The following TANC2 variants were observed in gnomAD, a reference collection of about 807,000 sequenced individuals.
The protein encoded by TANC2 is protein TANC2.
In TANC2, 26 loss-of-function variants were observed where a neutral mutation model predicts 210.5. That is an observed-to-expected ratio of 0.12 (90% CI 0.09 to 0.17). TANC2 has a LOEUF of 0.17. Among genes scored for constraint, TANC2 ranks in the 10% least tolerant of loss-of-function variants. TANC2 has a pLI of 1.00. For synonymous variants in TANC2, 931 were observed against 967.1 expected, an observed-to-expected ratio of 0.96 and a Z score of 0.69; for missense variants, 2,129 against 2,608.9, an observed-to-expected ratio of 0.82 and a Z score of 4.01.
chr17:63,412,600 T>G lies in TANC2; in HGVS notation c.3899-80T>G. 7.3e-7 allele frequency: 1 copy of G among 1,374,086 alleles called. No individual in the cohort carries two copies. The highest frequency in any genetic ancestry group is 1.0e-6 in the Non-Finnish European group (1 of 1,003,280). 85.1% of individuals were successfully genotyped at this position (1,374,086 alleles called of 1,614,324 possible). ...TGCTGCCTGCCTCTCACTGCTGCTT[T>G]TTCCTTCTTTTTTTTTTTTTCACCT... On this transcript the variant is annotated intron_variant, in intron 23 of 27. Coordinates refer to ENST00000689528, the Ensembl canonical transcript of TANC2. The surrounding 1 kb of genome is among the most constrained non-coding windows in gnomAD (Gnocchi z 4.2).
intron 1 of TANC2, among the ~76,000 whole-genome samples, chr17:62,976,712 T>TA (rs556880801): frequency 3.3e-5 from 5 of 152,116 alleles, no homozygotes; most frequent in Middle Eastern, 3.4e-3. Flanking sequence ...CTACCTGTAA[T>TA]AAAAAAAATT....
chr17:62,985,173 A>G (rs950415370), intron 1 of TANC2, among the ~76,000 whole-genome samples: 1 of 152,118 alleles, frequency 6.6e-6, no homozygotes, highest in East Asian at 1.9e-4. Flanking sequence ...CCAGTTTTCT[A>G]TTTCTTTCAG....
chr17:63,271,751 T>C (rs2043717073), intron 9 of TANC2, among the ~76,000 whole-genome samples: 1 of 151,714 alleles, frequency 6.6e-6, no homozygotes, highest in African/African-American at 2.4e-5. Context: ...CCTTTGTCCA[T>C]TTTTTTTAAT....
At chr17:63,123,553 T>C (rs940220158) in intron 4 of TANC2, among the ~76,000 whole-genome samples, 52 of 142,994 alleles carry the variant, frequency 3.6e-4, no homozygotes, top group African/African-American at 1.3e-3. Flanking sequence ...GGTGAGATTC[T>C]GTCTCAAAAA....
chr17:63,210,245 C>T (rs1313728944), intron 7 of TANC2, among the ~76,000 whole-genome samples: 11 of 152,358 alleles, frequency 7.2e-5, no homozygotes, highest in Admixed American at 6.5e-5. Context: ...GGATGACTCT[C>T]TCTGTTCCTT....
intron 4 of TANC2, among the ~76,000 whole-genome samples, chr17:63,128,141 G>A (rs1277065445): frequency 6.6e-6 from 1 of 151,870 alleles, no homozygotes; most frequent in Non-Finnish European, 1.5e-5. Context: ...TAAAAGCTTT[G>A]GAAAAACTCA....
intron 2 of TANC2, among the ~76,000 whole-genome samples, chr17:63,034,344 T>C (rs1423548972): frequency 1.3e-5 from 2 of 152,230 alleles, no homozygotes; most frequent in African/African-American, 2.4e-5. Context: ...CATGTCTGTT[T>C]ATAGCATGGC....
rs2046181285 is a variant in TANC2, at chr17:63,340,212, C to T, written c.1687C>T (p.Arg563Trp). ...CCGCTCACCTCAGCTGACAGCCTATCGGGAGCAGCTTCTTCGGGAACCTCA... is the reference window on the plus strand; with the variant it reads ...CCGCTCACCTCAGCTGACAGCCTATTGGGAGCAGCTTCTTCGGGAACCTCA... The change falls in exon 12 of 28, where the codon CGG (arginine) becomes TGG (tryptophan). Residue 563 changes from arginine to tryptophan, a missense_variant. Around this residue, in one of 5 missense-constraint regions of TANC2, gnomAD observed 739 missense variants for 848.0 expected, o/e 0.87. Coordinates refer to ENST00000689528, the Ensembl canonical transcript of TANC2. The T allele has an allele frequency of 3.1e-6, 5 of 1,613,808 alleles. No homozygotes were observed. Among genetic ancestry groups the T allele is most frequent in the African/African-American group, 1.3e-5 (1 of 74,890 alleles).
chr17:63,413,401 C>G lies in TANC2; in HGVS notation c.3929-142C>G, dbSNP rs954095774. 1.2e-5 allele frequency: 7 copies of G among 570,316 alleles called. No individual in the cohort carries two copies. The African/African-American group carries it at 1.3e-4, about 11-fold the overall frequency. The allele number at this position is 570,316 out of a possible 1,614,324, so 35.3% of individuals were successfully genotyped here. Reference sequence around the variant, plus strand: ...GGCAGTGGGAGTTACTAAAATACTCCCAGGTCTAAAAGATGAGGTACTAAT... The same window carrying G: ...GGCAGTGGGAGTTACTAAAATACTCGCAGGTCTAAAAGATGAGGTACTAAT... On this transcript the variant is annotated intron_variant, in intron 24 of 27. Coordinates refer to ENST00000689528, the Ensembl canonical transcript of TANC2.
chr17:63,305,244 C>T (rs1037290207), intron 9 of TANC2: 3 of 152,332 alleles, frequency 2.0e-5, no homozygotes, highest in African/African-American at 4.8e-5. Context: ...ATGGGTTACA[C>T]AGTTCCGTGG....
chr17:63,351,015 G>T (rs979101071), intron 12 of TANC2, among the ~76,000 whole-genome samples: 5 of 152,056 alleles, frequency 3.3e-5, no homozygotes, highest in Admixed American at 6.6e-5. Context: ...TTCTGAAAAT[G>T]ATGATATATA....
intron 1 of TANC2, among the ~76,000 whole-genome samples, chr17:62,970,122 G>T (rs1413820334): frequency 6.6e-6 from 1 of 152,126 alleles, no homozygotes; most frequent in Non-Finnish European, 1.5e-5. Flanking sequence ...TAGCCAAATT[G>T]CTTCTGCCAT....
chr17:63,077,065 A>C (rs2036595954), intron 3 of TANC2, among the ~76,000 whole-genome samples: 1 of 152,150 alleles, frequency 6.6e-6, no homozygotes, highest in African/African-American at 2.4e-5. Context: ...AGTACAATGG[A>C]TGAAAATAGA....
At chr17:63,337,030 G>A (rs2046054988) in intron 11 of TANC2, among the ~76,000 whole-genome samples, 1 of 152,078 alleles carries the variant, frequency 6.6e-6, no homozygotes, top group Non-Finnish European at 1.5e-5. Flanking sequence ...TTATACAGAG[G>A]GAAAGTTATA....
At chr17:63,117,843 A>C (rs1419019498) in intron 4 of TANC2, among the ~76,000 whole-genome samples, 3 of 152,260 alleles carry the variant, frequency 2.0e-5, no homozygotes, top group Non-Finnish European at 4.4e-5. Context: ...AGAAAAATAA[A>C]CACAGCCTAA....
chr17:63,369,565 T>C (rs1258593315), intron 14 of TANC2, among the ~76,000 whole-genome samples: 2 of 151,380 alleles, frequency 1.3e-5, no homozygotes, highest in East Asian at 1.9e-4. Flanking sequence ...TTTTTTTTTT[T>C]TTTTTTGAGA....
chr17:63,388,662 T>A (rs1215672933), exon 16 of TANC2: 6 of 1,606,606 alleles, frequency 3.7e-6, no homozygotes. Context: ...TGGTGTATCA[T>A]CCTCCATCCT....
At chr17:63,136,437 A>C (rs947383042) in intron 4 of TANC2, among the ~76,000 whole-genome samples, 1 of 152,222 alleles carries the variant, frequency 6.6e-6, no homozygotes, top group African/African-American at 2.4e-5. Flanking sequence ...CTTAAGTTCT[A>C]AATAGATGAA....
chr17:63,102,474 T>C (rs1009606724), intron 4 of TANC2, among the ~76,000 whole-genome samples: 2 of 151,954 alleles, frequency 1.3e-5, no homozygotes, highest in East Asian at 1.9e-4. Context: ...TATTTTTATT[T>C]ATTTATTTTT....
Sources: allele counts gnomAD v4.1 joint callset (sites outside exome capture counted in the v4.1 genomes callset), GRCh38; gene constraint gnomAD v4.1.1; regional missense constraint gnomAD v4.1.1; non-coding constraint Gnocchi (gnomAD v3.1); transcripts MANE v1.5; gene names NCBI Gene and HGNC (gene_info 2026-07-23, HGNC 2026-07-21).